Variants in SRCAP observed in about 807,000 individuals in gnomAD.
SRCAP encodes chromatin remodeling protein SRCAP.
A neutral mutation model predicts 263.1 loss-of-function variants in SRCAP; 46 were observed. The observed-to-expected ratio is 0.17, with a 90% CI of 0.14 to 0.22. The LOEUF is 0.22. Among genes scored for constraint, SRCAP ranks in the 10% least tolerant of loss-of-function variants. The probability of loss-of-function intolerance (pLI) is 1.00; values close to 1 mark genes in which losing one functional copy is unlikely to be tolerated. For synonymous variants in SRCAP, 1,813 were observed against 1,662.1 expected (o/e 1.09, Z -2.21); for missense variants, 3,695 against 4,181.9 (o/e 0.88, Z 3.21).
intron 32 of SRCAP, 49 bp from the exon 33 acceptor site, chr16:30,736,492 G>A: frequency 1.2e-6 from 2 of 1,612,664 alleles, no homozygotes; most frequent in Non-Finnish European, 1.7e-6. Context: ...GGGTGGTGGG[G>A]CCCTGGGTAC....
At chr16:30,734,216 G>T (rs1049843781) in intron 30 of SRCAP, 3 of 617,748 alleles carry the variant, frequency 4.9e-6, no homozygotes, top group Non-Finnish European at 8.2e-6. Flanking sequence ...GGTGGTGGGC[G>T]CCTGTAATCC....
intron 23 of SRCAP, 87 bp downstream of exon 23, chr16:30,722,835 C>T (rs2053024982): frequency 1.9e-6 from 3 of 1,548,210 alleles, no homozygotes; most frequent in Middle Eastern, 3.5e-4. Flanking sequence ...AGCCTTCCCT[C>T]AGTGTTGTTT....
chr16:30,701,771 A>G (rs1048518361), intron 3 of SRCAP, among the ~76,000 whole-genome samples: 5 of 150,468 alleles, frequency 3.3e-5, no homozygotes, highest in Admixed American at 1.3e-4. Context: ...CTGGGATTAT[A>G]GGCACCCACC....
rs201528777 is a variant in SRCAP, at chr16:30,738,090, A to G, written c.8050A>G (p.Thr2684Ala). The G allele has an allele frequency of 2.9e-5, 46 of 1,613,654 alleles. No homozygotes were observed. The highest frequency in any genetic ancestry group is 3.9e-5 in the Non-Finnish European group (46 of 1,179,956). Reference protein sequence around the residue: ...SEELTEAKTPTSSPEKPQELV... With the variant: ...SEELTEAKTPASSPEKPQELV... ...AGAGCTGACAGAGGCCAAGACCCCAACCTCCAGCCCAGAGAAGCCACAGGA... is the reference window on the plus strand; with the variant it reads ...AGAGCTGACAGAGGCCAAGACCCCAGCCTCCAGCCCAGAGAAGCCACAGGA... The change falls in exon 34 of 34, where the codon ACC (threonine) becomes GCC (alanine). Residue 2684 changes from threonine (T) to alanine (A), a missense_variant. Transcript: ENST00000262518.
In SRCAP at chr16:30,720,974, C is replaced by G. The variant is rs1377055797; in HGVS notation, c.3249C>G (p.Pro1083=). The G allele has an allele frequency of 2.9e-5, 47 of 1,600,080 alleles. No homozygotes were observed. Among genetic ancestry groups the G allele is most frequent in the Admixed American group, 8.6e-5 (5 of 58,312 alleles). Reference sequence around the variant, plus strand: ...TGCAGCCCAACAGTGGTTCTCTCCCCCAGGGTGAGTTGAAAGGGAGCCAAG... The same window carrying G: ...TGCAGCCCAACAGTGGTTCTCTCCCGCAGGGTGAGTTGAAAGGGAGCCAAG... ...PPLQPNSGSL[P]QVLPSPLGVL... Residue 1083 remains proline (P), a synonymous_variant, in exon 20 of 34, where the codon CCC becomes CCG. Transcript: ENST00000262518.
chr16:30,726,579 G>A (rs1293814733), intron 25 of SRCAP, among the ~76,000 whole-genome samples: 2 of 149,928 alleles, frequency 1.3e-5, no homozygotes, highest in African/African-American at 4.9e-5. Flanking sequence ...GGAGTGCTTT[G>A]GCACGGTCTT....
Position 30,737,739 on chromosome 16 carries a change from G to C in SRCAP, c.7699G>C (p.Ala2567Pro). 1 of 1,614,216 alleles carries C rather than the reference G, an allele frequency of 6.2e-7. No individual in the cohort carries two copies. Among genetic ancestry groups the C allele is most frequent in the Non-Finnish European group, 8.5e-7 (1 of 1,180,048 alleles). Residue 2567 changes from alanine to proline, a missense_variant, in exon 34 of 34, where the codon GCT (alanine) becomes CCT (proline). Around this residue, in one of 12 missense-constraint regions of SRCAP, gnomAD observed 1,207 missense variants for 1,142.9 expected, o/e 1.06. Coordinates refer to ENST00000262518, the MANE Select transcript of SRCAP (RefSeq NM_006662.3). Reference sequence around the variant, plus strand: ...GGCATCTCCAGAGTCCCTGGAGCTGGCTTCTGTGGCCAGTTCAGAAACCTC... The same window carrying C: ...GGCATCTCCAGAGTCCCTGGAGCTGCCTTCTGTGGCCAGTTCAGAAACCTC... ...ALASPESLELASVASSETSSL... is the reference protein window; with the variant it reads ...ALASPESLELPSVASSETSSL...
rs1252538188 is a variant in SRCAP, at chr16:30,739,613, T to C, written c.9573T>C (p.Pro3191=). 41 of 1,592,808 alleles carry C rather than the reference T, an allele frequency of 2.6e-5. No homozygotes were observed. Among genetic ancestry groups the C allele is most frequent in the Non-Finnish European group, 3.4e-5 (40 of 1,170,630 alleles). ...EEGDGTPRRR[P]GPRRLVGTTN... Reference sequence around the variant, plus strand: ...GGGATGGGACCCCACGCCGACGTCCTGGCCCCCGCCGGCTTGTTGGGACCA... The same window carrying C: ...GGGATGGGACCCCACGCCGACGTCCCGGCCCCCGCCGGCTTGTTGGGACCA... The change falls in exon 34 of 34, where the codon CCT becomes CCC. Residue 3191 remains proline (P), a synonymous_variant. Transcript: ENST00000262518.
In SRCAP at chr16:30,723,011, G is replaced by T; in HGVS notation, c.3941G>T (p.Arg1314Ile). ...NNTGVVKIVV[R>I]QAPRDGLTPV... ...ACAGGCGTGGTGAAGATTGTAGTGA[G>T]ACAAGCCCCTCGGGATGGACTGACT... Residue 1314 changes from arginine (R) to isoleucine (I), a missense_variant, in exon 24 of 34, where the codon AGA becomes ATA. By Grantham distance (97) the Arg-to-Ile change is moderately conservative. This residue lies in a region of SRCAP where 1,347 missense variants were observed against 1,304.4 expected (regional missense o/e 1.03). Coordinates refer to ENST00000262518, the MANE Select transcript of SRCAP (RefSeq NM_006662.3). 6.2e-7 allele frequency: 1 copy of T among 1,614,022 alleles called. No homozygotes were observed. Among genetic ancestry groups the T allele is most frequent in the Non-Finnish European group, 8.5e-7 (1 of 1,179,988 alleles).
intron 30 of SRCAP, chr16:30,734,262 G>C (rs1422105841): frequency 3.1e-6 from 2 of 639,320 alleles, no homozygotes; most frequent in Non-Finnish European, 5.2e-6. Flanking sequence ...AGAATCACTT[G>C]AACCTAAGAG....
chr16:30,709,054 C>T lies in SRCAP; in HGVS notation c.634-459C>T, dbSNP rs541527007. 3.4e-4 allele frequency among the ~76,000 whole-genome samples: 51 copies of T among 152,186 alleles called. No homozygotes were observed. The South Asian group carries it at 4.1e-3, about 12-fold the overall frequency. On this transcript the variant is annotated intron_variant, in intron 6 of 33. Transcript: ENST00000262518. ...GGCTGGTCTCGAACTCCTGACCTCA[C>T]GTGATCCTCCCACTTCAGCCTTCCA...
Position 30,709,710 on chromosome 16 carries a change from C to A in SRCAP, c.831C>A (p.Pro277=). 1 of 1,614,194 alleles carries A rather than the reference C, an allele frequency of 6.2e-7. No homozygotes were observed. ...GSSSAASSPP[P]PASRLDDEDG... ...CCTCAGCTGCCTCCAGTCCTCCACC[C>A]CCTGCTTCTCGCCTGGATGATGAAG... is the stretch of plus-strand genomic sequence containing the variant. Residue 277 remains proline, a synonymous_variant, in exon 7 of 34, where the codon CCC becomes CCA. Coordinates refer to ENST00000262518, the MANE Select transcript of SRCAP (RefSeq NM_006662.3).
intron 27 of SRCAP, among the ~76,000 whole-genome samples, chr16:30,730,003 A>C (rs1222499161): frequency 1.3e-5 from 2 of 152,142 alleles, no homozygotes; most frequent in Non-Finnish European, 2.9e-5. Context: ...ACTGACCTCA[A>C]GCGATCCTCC....
At position 30,733,866 on chromosome 16, in the gene SRCAP, C is replaced by G; in HGVS notation, c.6495-28C>G. On this transcript the variant is annotated intron_variant, in intron 29 of 33. Transcript: ENST00000262518. The surrounding 1 kb of genome is among the most constrained non-coding windows in gnomAD (Gnocchi z 5.3). The stretch of plus-strand genomic sequence containing the variant: ...GGGGTTTCCTGGATATATTTGGCTG[C>G]TTACACACGGCCTTCATCACCCCCT... The G allele has an allele frequency of 6.2e-7, 1 of 1,613,312 alleles. No homozygotes were observed. The highest frequency in any genetic ancestry group is 8.5e-7 in the Non-Finnish European group (1 of 1,179,506).
At chr16:30,707,060 T>C in intron 4 of SRCAP, 123 bp from the exon 5 acceptor site, 1 of 889,356 alleles carries the variant, frequency 1.1e-6, no homozygotes, top group Non-Finnish European at 1.7e-6. Flanking sequence ...GCCTGTAAGT[T>C]TGGTATGTGG....
intron 3 of SRCAP, among the ~76,000 whole-genome samples, chr16:30,703,096 T>C (rs35969813): frequency 0.29 from 43,378 of 151,502 alleles, 6,865 homozygotes; most frequent in South Asian, 0.68. Flanking sequence ...GGGAGTTGTT[T>C]ATGTGCATGA....
At position 30,718,564 on chromosome 16, in the gene SRCAP, CCT is replaced by C. The variant is rs1567245348; in HGVS notation, c.2818-1597_2818-1596del. ...TGTCAGCTCACTGTAACCTCCACCT[CCT>C]GGGTTCAAGTGATTCTCCTGCCTCA... On this transcript the variant is annotated intron_variant, in intron 18 of 33. Transcript: ENST00000262518. Among the ~76,000 whole-genome samples, 3 of 151,004 alleles carry C rather than the reference CCT, an allele frequency of 2.0e-5. 1 individual carries two copies.
chr16:30,706,687 A>G (rs146813735), intron 4 of SRCAP, among the ~76,000 whole-genome samples: 122 of 152,310 alleles, frequency 8.0e-4, no homozygotes, highest in Middle Eastern at 3.4e-3. Context: ...TCAGTTGGGC[A>G]TTATAGCATA....
At chr16:30,700,469 A>G (rs189139092) in intron 2 of SRCAP, 147 bp from the exon 3 acceptor site, 1 of 206,226 alleles carries the variant, frequency 4.8e-6, no homozygotes, top group African/African-American at 2.3e-5. Context: ...TACTAAAAGT[A>G]TCTTATACAT....
Sources: allele counts gnomAD v4.1 joint callset (sites outside exome capture counted in the v4.1 genomes callset), GRCh38; gene constraint gnomAD v4.1.1; regional missense constraint gnomAD v4.1.1; non-coding constraint Gnocchi (gnomAD v3.1); transcripts MANE v1.5; gene names NCBI Gene and HGNC (gene_info 2026-07-23, HGNC 2026-07-21).